The following DNAH10 variants were observed in gnomAD, a reference collection of about 807,000 sequenced individuals.
The protein encoded by DNAH10 is axonemal beta dynein heavy chain 10.
DNAH10 carries 348 observed loss-of-function variants against 506.6 expected under a neutral mutation model. The ratio of observed to expected loss-of-function variants is 0.69; its 90% CI spans 0.63 to 0.75. The LOEUF (loss-of-function observed/expected upper bound fraction) is 0.75, where lower values mean the gene tolerates loss of function less well. DNAH10 is among the 30% of genes least tolerant of loss of function. The pLI is 0.00. For missense variants in DNAH10, 5,179 were observed against 5,787.1 expected, an observed-to-expected ratio of 0.89 and a Z score of 3.41; for synonymous variants, 2,059 against 2,198.6, an observed-to-expected ratio of 0.94 and a Z score of 1.78.
chr12:123,786,013 G>A, intron 9 of DNAH10, 77 bp downstream of exon 9: 1 of 1,415,322 alleles, frequency 7.1e-7, no homozygotes. Flanking sequence ...CAGCTCTATT[G>A]AGCTATAATT....
intron 5 of DNAH10, among the ~76,000 whole-genome samples, chr12:123,778,582 G>C (rs1185456975): frequency 1.3e-5 from 2 of 151,698 alleles, no homozygotes; most frequent in Non-Finnish European, 2.9e-5. Context: ...TGTAGTCCCA[G>C]CTACTTGGGA....
chr12:123,877,872 G>A lies in DNAH10; in HGVS notation c.8336G>A (p.Arg2779Gln), dbSNP rs758354099. ...HYIFNLRDLS[R>Q]VFNGLVLTNP... ...ATCTTCAACCTTCGAGATCTCTCAC[G>A]GGTTTTTAATGGTCTTGTCCTCACT... is the stretch of plus-strand genomic sequence containing the variant. The change falls in exon 48 of 79, where the codon CGG becomes CAG. Residue 2779 changes from arginine (R) to glutamine (Q), a missense_variant. Physicochemically the swap from Arg to Gln is conservative, Grantham distance 43. Transcript: ENST00000673944. The A allele has an allele frequency of 4.3e-6, 7 of 1,613,848 alleles. No homozygotes were observed. Among genetic ancestry groups the A allele is most frequent in the Middle Eastern group, 1.6e-4 (1 of 6,082 alleles).
At chr12:123,879,044 A>G (rs1036430138) in intron 48 of DNAH10, among the ~76,000 whole-genome samples, 1 of 152,186 alleles carries the variant, frequency 6.6e-6, no homozygotes, top group Non-Finnish European at 1.5e-5. Context: ...CTACAGTAAG[A>G]TAAGCTACGG....
chr12:123,857,929 C>A (rs1951462291), intron 37 of DNAH10, among the ~76,000 whole-genome samples: 1 of 152,198 alleles, frequency 6.6e-6, no homozygotes, highest in Non-Finnish European at 1.5e-5. Flanking sequence ...TTTGACTACT[C>A]TAGGTACCTC....
Position 123,887,356 on chromosome 12 carries a change from A to G in DNAH10, c.8995+43A>G, listed in dbSNP as rs1444620952. 3 of 1,590,544 alleles carry G rather than the reference A, an allele frequency of 1.9e-6. No homozygotes were observed. The Admixed American group carries it at 5.2e-5, about 28-fold the overall frequency. On this transcript the variant is annotated intron_variant, in intron 52 of 78. Transcript: ENST00000673944. Reference sequence around the variant, plus strand: ...GCCCGCTGTGGCCAACACCCCGCTCAGCTCTTAAGGGAGTTCACTTTCTTC... The same window carrying G: ...GCCCGCTGTGGCCAACACCCCGCTCGGCTCTTAAGGGAGTTCACTTTCTTC...
At chr12:123,877,514 C>T (rs12228611) in intron 47 of DNAH10, among the ~76,000 whole-genome samples, 68,731 of 151,922 alleles carry the variant, frequency 0.45, 16,091 homozygotes, top group Non-Finnish European at 0.51. Flanking sequence ...TGGGGTTTCA[C>T]CGTGTTGGTC....
chr12:123,867,641 T>C (rs1280432004), intron 42 of DNAH10, 40 bp downstream of exon 42: 1 of 1,610,350 alleles, frequency 6.2e-7, no homozygotes, highest in East Asian at 2.2e-5. Context: ...AGAAATTCTT[T>C]CCTAAAGACA....
In DNAH10 at chr12:123,903,069, G is replaced by A. The variant is rs1479314364; in HGVS notation, c.9771G>A (p.Lys3257=). The A allele has an allele frequency of 1.2e-6, 2 of 1,611,838 alleles. No homozygotes were observed. Among genetic ancestry groups the A allele is most frequent in the Non-Finnish European group, 1.7e-6 (2 of 1,178,982 alleles). The change falls in exon 57 of 79, where the codon AAG becomes AAA. Residue 3257 remains lysine, a synonymous_variant. Coordinates refer to ENST00000673944, the MANE Select transcript of DNAH10 (RefSeq NM_001372106.1). This position sits in a 1 kb window ranked among gnomAD's most constrained non-coding sequence, Gnocchi z 4.6. ...TCATGCCCATCCTGGAGGCCGCCAA[G>A]CTGGAACTGCAGAAGCTGGACAAGT... is the stretch of plus-strand genomic sequence containing the variant. ...AEVMPILEAA[K]LELQKLDKSD...
In DNAH10 at chr12:123,845,767, G is replaced by GC; in HGVS notation, c.5529dup (p.Ile1844HisfsTer20). The stretch of plus-strand genomic sequence containing the variant: ...CGGCAGATCGATGAGTTGGTAACGC[G>GC]CATCACCATGCCGCTAAGCAAAAAC... On this transcript the variant is annotated frameshift_variant, in exon 31 of 79. Transcript: ENST00000673944. LOFTEE classifies it high-confidence loss of function. 1 of 1,613,924 alleles carries GC rather than the reference G, an allele frequency of 6.2e-7. No individual in the cohort carries two copies. Among genetic ancestry groups the GC allele is most frequent in the Non-Finnish European group, 8.5e-7 (1 of 1,179,878 alleles).
At chr12:123,791,497 T>A (rs1412404474) in intron 11 of DNAH10, among the ~76,000 whole-genome samples, 1 of 152,260 alleles carries the variant, frequency 6.6e-6, no homozygotes, top group East Asian at 1.9e-4. Flanking sequence ...ATTGCCATGT[T>A]AACTATATCT....
At chr12:123,915,928 T>C (rs1029143130) in intron 62 of DNAH10, among the ~76,000 whole-genome samples, 2 of 152,058 alleles carry the variant, frequency 1.3e-5, no homozygotes, top group African/African-American at 4.8e-5. Context: ...TTTGCTGAGC[T>C]AATGAACAAA....
rs1958023079 is a variant in DNAH10 at position 123,790,113 on chromosome 12, G to C, written c.1807G>C (p.Glu603Gln). The C allele has an allele frequency of 1.2e-6, 2 of 1,613,922 alleles. No homozygotes were observed. Among genetic ancestry groups the C allele is most frequent in the Admixed American group, 3.3e-5 (2 of 59,982 alleles). Residue 603 changes from glutamate to glutamine, a missense_variant, in exon 11 of 79, where the codon GAA becomes CAA. Glu to Gln is a conservative substitution (Grantham distance 29). This residue lies in a region of DNAH10 where 4,844 missense variants were observed against 5,430.5 expected (regional missense o/e 0.89). Transcript: ENST00000673944. Reference sequence around the variant, plus strand: ...ATATGTGATGGATGAATTCAAGATTGAAGTTCTGGCAAGTGACACGTCCAT... The same window carrying C: ...ATATGTGATGGATGAATTCAAGATTCAAGTTCTGGCAAGTGACACGTCCAT... Reference protein sequence around the residue: ...WKYVMDEFKIEVLVIEKEAKH... With the variant: ...WKYVMDEFKIQVLVIEKEAKH...
intron 5 of DNAH10, among the ~76,000 whole-genome samples, chr12:123,775,547 A>G (rs1272241567): frequency 1.3e-5 from 2 of 152,214 alleles, no homozygotes; most frequent in Non-Finnish European, 2.9e-5. Context: ...GGCATCAGAC[A>G]TGATAGGATG....
chr12:123,910,507 C>T, intron 58 of DNAH10, 29 bp from the exon 59 acceptor site: 3 of 1,602,096 alleles, frequency 1.9e-6, no homozygotes, highest in Non-Finnish European at 2.6e-6. Context: ...GCTTGCCACT[C>T]ATAAAAATTA....
Position 123,830,605 on chromosome 12 carries a change from C to T in DNAH10, c.4451C>T (p.Thr1484Ile). The T allele has an allele frequency of 6.2e-7, 1 of 1,613,698 alleles. No homozygotes were observed. Among genetic ancestry groups the T allele is most frequent in the Middle Eastern group, 1.7e-4 (1 of 6,060 alleles). Residue 1484 changes from threonine (T) to isoleucine (I), a missense_variant, in exon 26 of 79, where the codon ACC becomes ATC. Thr to Ile is a moderately conservative substitution (Grantham distance 89). Around this residue, in one of 3 missense-constraint regions of DNAH10, gnomAD observed 4,844 missense variants for 5,430.5 expected, o/e 0.89. Coordinates refer to ENST00000673944, the MANE Select transcript of DNAH10 (RefSeq NM_001372106.1). ...SVFFEMTETF[T>I]LENMFAMELH... ...TTTTTTGAAATGACCGAAACGTTCA[C>T]CTTGGAAAATATGTTTGCTATGGAA...
At position 123,918,780 on chromosome 12, in the gene DNAH10, CCTGT is replaced by C; in HGVS notation, c.11341_11344del (p.Ser3781ArgfsTer5). The C allele has an allele frequency of 6.2e-7, 1 of 1,613,416 alleles. No individual in the cohort carries two copies. On this transcript the variant is annotated frameshift_variant, in exon 65 of 79. Transcript: ENST00000673944. LOFTEE classifies it high-confidence loss of function. Reference sequence around the variant, plus strand: ...GGAGGGGGGCCATCCTGTTCTTCGTCCTGTCTGAGATGGCCCTGGTGAACTCCAT... The same window carrying C: ...GGAGGGGGGCCATCCTGTTCTTCGTCCTGAGATGGCCCTGGTGAACTCCAT...
intron 18 of DNAH10, among the ~76,000 whole-genome samples, chr12:123,806,423 T>G (rs1179842507): frequency 6.6e-6 from 1 of 152,194 alleles, no homozygotes; most frequent in Non-Finnish European, 1.5e-5. Context: ...GATTTGAACC[T>G]GGGCAGTCTG....
intron 26 of DNAH10, among the ~76,000 whole-genome samples, chr12:123,830,974 A>G (rs1308102321): frequency 6.6e-6 from 1 of 152,118 alleles, no homozygotes; most frequent in Non-Finnish European, 1.5e-5. Context: ...AAGAGAAAAC[A>G]TATTTGCTCT....
At position 123,853,668 on chromosome 12, in the gene DNAH10, A is replaced by G. The variant is rs1594200605; in HGVS notation, c.6438+316A>G. 1.3e-5 allele frequency among the ~76,000 whole-genome samples: 2 copies of G among 152,314 alleles called. No homozygotes were observed. Among genetic ancestry groups the G allele is most frequent in the Non-Finnish European group, 1.5e-5 (1 of 68,024 alleles). On this transcript the variant is annotated intron_variant, in intron 36 of 78. Transcript: ENST00000673944. The surrounding 1 kb of genome is among the most constrained non-coding windows in gnomAD (Gnocchi z 4.7). ...GGACTAACAAAATTCTCATGAAAGCATGAAGGTGAGTTGTTATTTTCTCTT... is the reference window on the plus strand; with the variant it reads ...GGACTAACAAAATTCTCATGAAAGCGTGAAGGTGAGTTGTTATTTTCTCTT...
Sources: gnomAD v4.1 joint callset for allele counts (sites outside exome capture counted in the v4.1 genomes callset) on GRCh38, gnomAD v4.1.1 for gene constraint, gnomAD v4.1.1 regional missense constraint, Gnocchi (gnomAD v3.1) non-coding constraint, MANE v1.5 for transcripts, NCBI Gene and HGNC (gene_info 2026-07-23, HGNC 2026-07-21) for gene names.